The following UGT1A7 variants were observed in gnomAD, a reference collection of about 807,000 sequenced individuals.
UGT1A7 encodes UDP-glucuronosyltransferase 1A7.
UGT1A7 carries 33 observed loss-of-function variants against 45.6 expected under a neutral mutation model. The ratio of observed to expected loss-of-function variants is 0.72; its 90% CI spans 0.55 to 0.97. The LOEUF is 0.97. UGT1A7 is among the 50% of genes least tolerant of loss of function. The pLI is 0.00. For synonymous variants in UGT1A7, 274 were observed against 250.6 expected (o/e 1.09, Z -0.88); for missense variants, 684 against 666.2 (o/e 1.03, Z -0.29).
At chr2:233,707,391 T>C (rs1441137641) in intron 1 of UGT1A7, among the ~76,000 whole-genome samples, 1 of 152,078 alleles carries the variant, frequency 6.6e-6, no homozygotes, top group African/African-American at 2.4e-5. Flanking sequence ...CATGAGCTAT[T>C]CTTTTTGATG....
At chr2:233,719,441 C>T (rs2076766759) in intron 1 of UGT1A7, 2 of 1,613,982 alleles carry the variant, frequency 1.2e-6, no homozygotes, top group Non-Finnish European at 1.7e-6. Flanking sequence ...ACATGACATT[C>T]CTGCAAAGGG....
Position 233,768,056 on chromosome 2 carries a change from T to G in UGT1A7, c.1075+120T>G, listed in dbSNP as rs35523971. The G allele has an allele frequency of 3.2e-4, 515 of 1,603,390 alleles. No homozygotes were observed. In the African/African-American group the frequency reaches 5.5e-3, roughly 17 times the overall value. On this transcript the variant is annotated intron_variant, in intron 3 of 4. Transcript: ENST00000373426. The stretch of plus-strand genomic sequence containing the variant: ...ATATTATGGCCAACATATCCTACAT[T>G]GCTTTTTATCTAGTGGGGTATCTCA...
intron 1 of UGT1A7, chr2:233,713,612 C>T (rs2076333250): frequency 6.2e-7 from 1 of 1,613,866 alleles, no homozygotes; most frequent in African/African-American, 1.3e-5. Flanking sequence ...ACATGACATT[C>T]CTGCAAAGGG....
At chr2:233,767,234 C>T in intron 2 of UGT1A7, 69 bp downstream of exon 2, 1 of 1,609,592 alleles carries the variant, frequency 6.2e-7, no homozygotes, top group Middle Eastern at 1.7e-4. Context: ...CTTCCAGCTT[C>T]CAGATTAATT....
At chr2:233,724,302 T>A (rs1575551867) in intron 1 of UGT1A7, among the ~76,000 whole-genome samples, 11 of 123,398 alleles carry the variant, frequency 8.9e-5, no homozygotes, top group South Asian at 6.0e-4. Context: ...CCCCCCCACC[T>A]CCCTCCCGGA....
Position 233,760,677 on chromosome 2 carries a change from A to T in UGT1A7, c.856-6357A>T, listed in dbSNP as rs555950591. 1.9e-6 allele frequency: 3 copies of T among 1,614,148 alleles called. No individual in the cohort carries two copies. The African/African-American group carries it at 4.0e-5, about 22-fold the overall frequency. On this transcript the variant is annotated intron_variant, in intron 1 of 4. Transcript: ENST00000373426. ...TGCTTTTGTCTGGCTGTTCCCACTT[A>T]CTGCACAACAAGGAGCTCATGGCCT...
At chr2:233,763,211 A>C (rs985100909) in intron 1 of UGT1A7, among the ~76,000 whole-genome samples, 2 of 152,222 alleles carry the variant, frequency 1.3e-5, no homozygotes, top group Non-Finnish European at 2.9e-5. Context: ...AGTCAGGCTT[A>C]GGTGTGAAAA....
chr2:233,742,187 T>C (rs1222012663), intron 1 of UGT1A7, among the ~76,000 whole-genome samples: 1 of 151,602 alleles, frequency 6.6e-6, no homozygotes, highest in East Asian at 1.9e-4. Context: ...GAGTGTGGAG[T>C]GGGAAATCAG....
intron 4 of UGT1A7, among the ~76,000 whole-genome samples, chr2:233,771,929 A>G (rs1433247357): frequency 6.6e-6 from 1 of 152,182 alleles, no homozygotes; most frequent in African/African-American, 2.4e-5. Flanking sequence ...AGCCTGGGCA[A>G]CACAATAAGA....
intron 1 of UGT1A7, among the ~76,000 whole-genome samples, chr2:233,720,431 G>A (rs28898613): frequency 0.011 from 1,733 of 152,136 alleles, 27 homozygotes; most frequent in African/African-American, 0.04. Context: ...AGATAAGACC[G>A]TGAATCTATA....
Position 233,682,808 on chromosome 2 carries a change from T to C in UGT1A7, c.855+16T>C. ...AGTGCCTATGGTAAGTTATCTCCCCTTTAGCACATTAAGAATAATCTGGCT... is the reference window on the plus strand; with the variant it reads ...AGTGCCTATGGTAAGTTATCTCCCCCTTAGCACATTAAGAATAATCTGGCT... On this transcript the variant is annotated intron_variant, in intron 1 of 4. Transcript: ENST00000373426. 6.3e-7 allele frequency: 1 copy of C among 1,594,462 alleles called. No homozygotes were observed. The highest frequency in any genetic ancestry group is 2.2e-5 in the East Asian group (1 of 44,624).
chr2:233,690,725 T>C (rs2075005021), intron 1 of UGT1A7: 4 of 1,213,038 alleles, frequency 3.3e-6, no homozygotes, highest in Non-Finnish European at 4.2e-6. Context: ...CGAACAGACA[T>C]GCCAGATTCC....
chr2:233,746,855 T>A (rs1362666040), intron 1 of UGT1A7, among the ~76,000 whole-genome samples: 2 of 151,774 alleles, frequency 1.3e-5, no homozygotes, highest in Non-Finnish European at 2.9e-5. Flanking sequence ...AGACCTCAGC[T>A]GCAGCCTGAT....
intron 1 of UGT1A7, chr2:233,713,035 G>A: frequency 5.0e-6 from 8 of 1,613,988 alleles, no homozygotes; most frequent in Non-Finnish European, 6.8e-6. Context: ...CTGGCCACAG[G>A]ACTGCTGCTT....
rs374047963 is a variant in UGT1A7 at position 233,768,235 on chromosome 2, G to C, written c.1091G>C (p.Arg364Pro). 6.2e-7 allele frequency: 1 copy of C among 1,614,136 alleles called. No individual in the cohort carries two copies. The highest frequency in any genetic ancestry group is 1.3e-5 in the African/African-American group (1 of 75,020). Reference sequence around the variant, plus strand: ...TGCATCTCAGGTCACCCGATGACCCGTGCCTTTATCACCCATGCTGGTTCC... The same window carrying C: ...TGCATCTCAGGTCACCCGATGACCCCTGCCTTTATCACCCATGCTGGTTCC... ...QNDLLGHPMT[R>P]AFITHAGSHG... Residue 364 changes from arginine to proline, a missense_variant, in exon 4 of 5, where the codon CGT becomes CCT. Arg to Pro is a moderately radical substitution (Grantham distance 103). Transcript: ENST00000373426.
At chr2:233,686,094 C>G (rs2074772715) in intron 1 of UGT1A7, among the ~76,000 whole-genome samples, 1 of 151,854 alleles carries the variant, frequency 6.6e-6, no homozygotes, top group Non-Finnish European at 1.5e-5. Flanking sequence ...ATATCCAAGT[C>G]CAAGAGAATG....
At chr2:233,765,715 T>C (rs1435382994) in intron 1 of UGT1A7, among the ~76,000 whole-genome samples, 2 of 140,082 alleles carry the variant, frequency 1.4e-5, no homozygotes, top group African/African-American at 6.4e-5. Flanking sequence ...TAATAATTAA[T>C]AATAATAATA....
At chr2:233,733,659 C>T (rs1240175939) in intron 1 of UGT1A7, among the ~76,000 whole-genome samples, 3 of 152,202 alleles carry the variant, frequency 2.0e-5, no homozygotes, top group Non-Finnish European at 2.9e-5. Context: ...ATGAAGCCGA[C>T]TTGATCGATG....
At chr2:233,760,488 C>T (rs2125984883) in intron 1 of UGT1A7, 1 of 1,614,254 alleles carries the variant, frequency 6.2e-7, no homozygotes, top group Non-Finnish European at 8.5e-7. Context: ...CCTCGTTGTA[C>T]ATCAGAGACG....
Sources: allele counts gnomAD v4.1 joint callset (sites outside exome capture counted in the v4.1 genomes callset), GRCh38; gene constraint gnomAD v4.1.1; transcripts MANE v1.5; gene names NCBI Gene and HGNC (gene_info 2026-07-23, HGNC 2026-07-21).